Variants in ARHGAP6 observed in about 807,000 individuals in gnomAD.
ARHGAP6 encodes the protein rho GTPase-activating protein 6.
In ARHGAP6, 16 loss-of-function variants were observed where a neutral mutation model predicts 55.7. That is an observed-to-expected ratio of 0.29 (90% CI 0.19 to 0.44). The LOEUF (loss-of-function observed/expected upper bound fraction) is 0.44. Among genes scored for constraint, ARHGAP6 ranks in the 20% least tolerant of loss-of-function variants. The pLI, the probability that ARHGAP6 is intolerant of heterozygous loss-of-function variation, is 1.00. For synonymous variants in ARHGAP6, 382 were observed against 360.9 expected (o/e 1.06, Z -0.66); for missense variants, 698 against 808.9 (o/e 0.86, Z 1.66).
At chrX:11,325,353 A>T (rs1455901999) in intron 1 of ARHGAP6, among the ~76,000 whole-genome samples, 1 of 112,453 alleles carries the variant, frequency 8.9e-6, no homozygotes, top group Non-Finnish European at 1.9e-5. Context: ...GAAATTTTTA[A>T]GAATAATAAG....
At chrX:11,493,328 G>A (rs774135678) in intron 1 of ARHGAP6, among the ~76,000 whole-genome samples, 2 of 111,967 alleles carry the variant, frequency 1.8e-5, no homozygotes, top group South Asian at 7.5e-4. Context: ...AAAGAGTGAT[G>A]CACATGAATT....
At chrX:11,651,752 C>T (rs950344639) in intron 1 of ARHGAP6, among the ~76,000 whole-genome samples, 10 of 111,979 alleles carry the variant, frequency 8.9e-5, no homozygotes, top group African/African-American at 3.2e-4. Context: ...TACACTCCCA[C>T]CAGCAGTGTA....
intron 2 of ARHGAP6, among the ~76,000 whole-genome samples, chrX:11,217,767 T>G (rs2046903366): frequency 8.9e-6 from 1 of 112,239 alleles, no homozygotes; most frequent in African/African-American, 3.2e-5. Context: ...TTTTGGTGTT[T>G]TAGTCATGAA....
intron 1 of ARHGAP6, among the ~76,000 whole-genome samples, chrX:11,341,831 A>C (rs1402699014): frequency 9.0e-6 from 1 of 111,690 alleles, no homozygotes; most frequent in Admixed American, 9.5e-5. Context: ...AACAGATGCC[A>C]CTGAGAAACC....
intron 1 of ARHGAP6, among the ~76,000 whole-genome samples, chrX:11,473,704 G>T (rs995422842): frequency 2.7e-5 from 3 of 111,758 alleles, no homozygotes; most frequent in African/African-American, 9.8e-5. Flanking sequence ...CTGACAGAGA[G>T]AATACATTTC....
intron 1 of ARHGAP6, among the ~76,000 whole-genome samples, chrX:11,393,992 A>T (rs892335746): frequency 1.8e-5 from 2 of 111,679 alleles, no homozygotes; most frequent in African/African-American, 6.5e-5. Context: ...TAAATAGCTT[A>T]AAGTTTCTCA....
intron 8 of ARHGAP6, among the ~76,000 whole-genome samples, chrX:11,170,798 C>T (rs1011200414): frequency 9.0e-6 from 1 of 111,570 alleles, no homozygotes; most frequent in Non-Finnish European, 1.9e-5. Flanking sequence ...AAAAGGGGTT[C>T]CTGGAGACTC....
intron 1 of ARHGAP6, among the ~76,000 whole-genome samples, chrX:11,634,305 G>A (rs759832670): frequency 1.0e-3 from 112 of 111,722 alleles, no homozygotes; most frequent in African/African-American, 3.5e-3. Context: ...ATCACAAAGA[G>A]ATACTCTTTC....
At chrX:11,413,102 A>G (rs906562594) in intron 1 of ARHGAP6, among the ~76,000 whole-genome samples, 1 of 111,927 alleles carries the variant, frequency 8.9e-6, no homozygotes, top group African/African-American at 3.2e-5. Context: ...ACCCTCAGAG[A>G]CATTTTCCTG....
chrX:11,423,293 C>T (rs1431487315), intron 1 of ARHGAP6, among the ~76,000 whole-genome samples: 2 of 112,596 alleles, frequency 1.8e-5, no homozygotes, highest in Admixed American at 9.3e-5. Flanking sequence ...GTATTCAATA[C>T]CACTCAATTA....
At chrX:11,397,569 C>T (rs2049492034) in intron 1 of ARHGAP6, among the ~76,000 whole-genome samples, 1 of 111,734 alleles carries the variant, frequency 8.9e-6, no homozygotes, top group South Asian at 3.8e-4. Context: ...TTTCATTGCT[C>T]TCCTAAGCTG....
intron 1 of ARHGAP6, among the ~76,000 whole-genome samples, chrX:11,514,430 C>T (rs1262934509): frequency 9.1e-6 from 1 of 110,045 alleles, no homozygotes; most frequent in Non-Finnish European, 1.9e-5. Context: ...GGAATATCCT[C>T]TCGGGATATC....
intron 2 of ARHGAP6, among the ~76,000 whole-genome samples, chrX:11,237,953 G>A (rs2047224912): frequency 9.0e-6 from 1 of 111,367 alleles, no homozygotes; most frequent in South Asian, 3.8e-4. Flanking sequence ...AGCATTCCCT[G>A]GCCTTTATCT....
rs766322235 is a variant in ARHGAP6, at chrX:11,284,634, T to TA, written c.589-29928dup. On this transcript the variant is annotated intron_variant, in intron 1 of 12. Transcript: ENST00000337414. ...AAAAACACATTTTCATGTGTATCTA[T>TA]ATTTTCTCCTTGCAGCATTCCATAT... Among the ~76,000 whole-genome samples, 7 of 111,909 alleles carry TA rather than the reference T, an allele frequency of 6.3e-5. No homozygotes were observed. The Admixed American group carries it at 6.6e-4, about 11-fold the overall frequency.
In ARHGAP6 at chrX:11,143,722, G is replaced by A. The variant is rs940768216; in HGVS notation, c.2176+258C>T. 56 of 1,102,994 alleles carry A rather than the reference G, an allele frequency of 5.1e-5. No individual in the cohort carries two copies. In the Admixed American group the frequency reaches 1.0e-3, roughly 20 times the overall value. The allele number at this position is 1,102,994 out of a possible 1,213,427, so 90.9% of individuals were successfully genotyped here. ...GCTGGGAATAGGAGTGGCTCCTCTG[G>A]GCATGCGTTTATTTCCCAGATATCT... On this transcript the variant is annotated intron_variant, in intron 11 of 12. Transcript: ENST00000337414.
rs376482989 is a variant in ARHGAP6 at position 11,608,221 on chromosome X, C to G, written c.588+56020G>C. Among the ~76,000 whole-genome samples, 35 of 111,713 alleles carry G rather than the reference C, an allele frequency of 3.1e-4. 1 individual carries two copies. The East Asian group carries it at 8.4e-3, about 27-fold the overall frequency. The stretch of plus-strand genomic sequence containing the variant: ...AGTGACTGAAATGATACTTTTCCTT[C>G]AAGTACAAATAAATTTAAGTAATGG... On this transcript the variant is annotated intron_variant, in intron 1 of 12. Transcript: ENST00000337414.
At chrX:11,629,768 T>C (rs1184535528) in intron 1 of ARHGAP6, among the ~76,000 whole-genome samples, 1 of 110,249 alleles carries the variant, frequency 9.1e-6, no homozygotes, top group African/African-American at 3.3e-5. Context: ...CCCTTAAGAG[T>C]TCCCTGCCAA....
intron 1 of ARHGAP6, among the ~76,000 whole-genome samples, chrX:11,282,802 C>T (rs2047873675): frequency 1.8e-5 from 2 of 111,902 alleles, no homozygotes; most frequent in Non-Finnish European, 3.8e-5. Context: ...AAAAGCTACA[C>T]GAATGGTTCA....
chrX:11,294,558 C>T, intron 1 of ARHGAP6, among the ~76,000 whole-genome samples: 1 of 112,068 alleles, frequency 8.9e-6, no homozygotes, highest in Non-Finnish European at 1.9e-5. Context: ...GTTTAGCCCT[C>T]AACCTAAATT....
Sources: gnomAD v4.1 joint callset for allele counts (sites outside exome capture counted in the v4.1 genomes callset) on GRCh38, gnomAD v4.1.1 for gene constraint, MANE v1.5 for transcripts, NCBI Gene and HGNC (gene_info 2026-07-23, HGNC 2026-07-21) for gene names.